The following MATR3 variants were observed in gnomAD, a reference collection of about 807,000 sequenced individuals.
MATR3 encodes matrin 3, also known as matrin-3.
MATR3 carries 4 observed loss-of-function variants against 85.5 expected under a neutral mutation model. The ratio of observed to expected loss-of-function variants is 0.05; its 90% CI spans 0.02 to 0.11. The LOEUF (loss-of-function observed/expected upper bound fraction) is 0.11, where lower values mean the gene tolerates loss of function less well. MATR3 is among the 10% of genes least tolerant of loss of function. The pLI, the probability that MATR3 is intolerant of heterozygous loss-of-function variation, is 1.00. For synonymous variants in MATR3, 336 were observed against 343.1 expected (o/e 0.98, Z 0.23); for missense variants, 685 against 1,016.1 (o/e 0.67, Z 4.43).
intron 12 of MATR3, 199 bp from the exon 13 acceptor site, chr5:139,325,241 A>G (rs959143176): frequency 2.6e-6 from 4 of 1,544,012 alleles, no homozygotes; most frequent in Non-Finnish European, 3.5e-6. Context: ...AGTAAAGCAG[A>G]CAGAAGGGAT....
intron 3 of MATR3, among the ~76,000 whole-genome samples, chr5:139,280,394 T>C (rs1206903096): frequency 6.6e-6 from 1 of 152,226 alleles, no homozygotes; most frequent in Non-Finnish European, 1.5e-5. Context: ...TCAGAGCCAA[T>C]AGCAATGTGT....
intron 2 of MATR3, chr5:139,310,094 T>C (rs1298651590): frequency 6.6e-6 from 1 of 152,204 alleles, no homozygotes; most frequent in Non-Finnish European, 1.5e-5. Flanking sequence ...TTATGTATGA[T>C]TATGCTTTTT....
At chr5:139,314,821 G>A (rs942472980) in intron 3 of MATR3, 85 bp downstream of exon 3, 6 of 1,191,570 alleles carry the variant, frequency 5.0e-6, no homozygotes, top group African/African-American at 4.5e-5. Context: ...TCATTTACTT[G>A]TAATATCCAC....
At chr5:139,303,209 C>T (rs140113149) in intron 1 of MATR3, among the ~76,000 whole-genome samples, 105 of 152,318 alleles carry the variant, frequency 6.9e-4, no homozygotes, top group African/African-American at 2.4e-3. Context: ...TCAAGTGATT[C>T]TCCGGCCTTA....
chr5:139,288,774 G>A (rs1305194963), upstream of MATR3, among the ~76,000 whole-genome samples: 2 of 152,178 alleles, frequency 1.3e-5, no homozygotes, highest in African/African-American at 4.8e-5. Context: ...CCGAGTAGCT[G>A]GGACTACAGG....
intron 1 of MATR3, among the ~76,000 whole-genome samples, chr5:139,305,959 G>A (rs745662655): frequency 6.6e-6 from 1 of 152,030 alleles, no homozygotes; most frequent in Non-Finnish European, 1.5e-5. Flanking sequence ...TAATAGACTT[G>A]TAACTACTGG....
At position 139,299,416 on chromosome 5, in the gene MATR3, A is replaced by G. The variant is rs150835478; in HGVS notation, c.-178+5611A>G. ...AGGCAGGGCACAGTGGTTCATGTCTATAACCTCAGCACTTTGGGAGGCTGA... is the reference window on the plus strand; with the variant it reads ...AGGCAGGGCACAGTGGTTCATGTCTGTAACCTCAGCACTTTGGGAGGCTGA... On this transcript the variant is annotated intron_variant, in intron 1 of 14. Transcript: ENST00000394805. 1.4e-3 allele frequency among the ~76,000 whole-genome samples: 211 copies of G among 152,316 alleles called. 2 individuals carry two copies. The highest frequency in any genetic ancestry group is 4.9e-3 in the African/African-American group (203 of 41,576).
intron 1 of MATR3, among the ~76,000 whole-genome samples, chr5:139,298,173 C>T (rs1029380118): frequency 8.5e-5 from 13 of 152,088 alleles, no homozygotes; most frequent in African/African-American, 2.4e-4. Context: ...GGATATTAAC[C>T]GTCCCTCTTA....
rs148104133 is a variant in MATR3, at chr5:139,306,066, A to G, written c.-177-1173A>G. 6.6e-5 allele frequency among the ~76,000 whole-genome samples: 10 copies of G among 152,334 alleles called. No homozygotes were observed. The East Asian group carries it at 1.9e-3, about 29-fold the overall frequency. ...ATAGAAAATTTAAGCAATGCCTCAT[A>G]GAATTCTGTACCAAACAACTTCAGA... On this transcript the variant is annotated intron_variant, in intron 1 of 14. Coordinates refer to ENST00000394805, the MANE Select transcript of MATR3 (RefSeq NM_018834.6).
At chr5:139,295,599 T>C (rs892971105) in intron 1 of MATR3, among the ~76,000 whole-genome samples, 11 of 152,230 alleles carry the variant, frequency 7.2e-5, no homozygotes, top group Non-Finnish European at 1.5e-4. Flanking sequence ...TTTTAGTCTT[T>C]AAACATACTA....
chr5:139,309,230 A>G (rs1754851847), intron 2 of MATR3, among the ~76,000 whole-genome samples: 1 of 152,026 alleles, frequency 6.6e-6, no homozygotes, highest in Non-Finnish European at 1.5e-5. Flanking sequence ...TTTTCCCCCA[A>G]TATATGGTGC....
chr5:139,283,498 A>T (rs1753605667), intron 3 of MATR3: 1 of 152,344 alleles, frequency 6.6e-6, no homozygotes, highest in South Asian at 2.1e-4. Context: ...CTGGGCTTCC[A>T]TTTCTTACCC....
At chr5:139,314,857 G>T in intron 3 of MATR3, 121 bp downstream of exon 3, 1 of 831,102 alleles carries the variant, frequency 1.2e-6, no homozygotes, top group Non-Finnish European at 2.0e-6. Context: ...TAGTGGTACT[G>T]TATGGACAAT....
At chr5:139,306,594 A>G (rs1223444539) in intron 1 of MATR3, among the ~76,000 whole-genome samples, 15 of 152,214 alleles carry the variant, frequency 9.9e-5, no homozygotes, top group Admixed American at 7.2e-4. Flanking sequence ...TAAGAAGGCA[A>G]TTAGTTGTAT....
intron 7 of MATR3, among the ~76,000 whole-genome samples, chr5:139,318,707 A>G (rs1242576466): frequency 6.6e-6 from 1 of 152,246 alleles, no homozygotes. Flanking sequence ...GGCCTCCCGA[A>G]GTGTTGGGAT....
chr5:139,329,502 C>T lies in MATR3; in HGVS notation c.*107C>T. 1 of 955,520 alleles carries T rather than the reference C, an allele frequency of 1.0e-6. No individual in the cohort carries two copies. The highest frequency in any genetic ancestry group is 1.3e-5 in the South Asian group (1 of 74,646). 59.2% of individuals were successfully genotyped at this position (955,520 alleles called of 1,614,324 possible). A position where few individuals can be genotyped will look rare whatever the true frequency, so the allele number is the denominator to read the frequency against. ...ATAGTTAGAAGAAAACTATTGTACTCTTTTGTTTTAGTGGAGAAATAATAG... is the reference window on the plus strand; with the variant it reads ...ATAGTTAGAAGAAAACTATTGTACTTTTTTGTTTTAGTGGAGAAATAATAG... On this transcript the variant is annotated 3_prime_UTR_variant, in exon 15 of 15. Transcript: ENST00000394805.
chr5:139,278,374 A>T (rs1424152619), intron 2 of MATR3: 2 of 453,834 alleles, frequency 4.4e-6, no homozygotes, highest in Non-Finnish European at 8.8e-6. Flanking sequence ...GGGAGGAAAT[A>T]GTGGCAGGTG....
In MATR3 at chr5:139,282,125, G is replaced by A. The variant is rs1214261802; in HGVS notation, c.-178+2996G>A. Among the ~76,000 whole-genome samples the A allele has an allele frequency of 2.6e-5, 4 of 152,190 alleles. No homozygotes were observed. The East Asian group carries it at 7.7e-4, about 29-fold the overall frequency. On this transcript the variant is annotated intron_variant, in intron 3 of 16. Transcript: ENST00000509990. ...CACAAAGGAAAACACCGTGCTAAGA[G>A]CAACTAATTAAGAACTTAAAAAGAG...
At chr5:139,318,590 C>T (rs904784889) in intron 7 of MATR3, among the ~76,000 whole-genome samples, 7 of 152,136 alleles carry the variant, frequency 4.6e-5, no homozygotes, top group Non-Finnish European at 8.8e-5. Flanking sequence ...CTACAGACGT[C>T]CACCATTACG....
Sources: gnomAD v4.1 joint callset for allele counts (sites outside exome capture counted in the v4.1 genomes callset) on GRCh38, gnomAD v4.1.1 for gene constraint, MANE v1.5 for transcripts, NCBI Gene and HGNC (gene_info 2026-07-23, HGNC 2026-07-21) for gene names.